Variants in DNAJC11 observed in about 807,000 individuals in gnomAD.
DNAJC11 encodes DnaJ heat shock protein family (Hsp40) member C11.
DNAJC11 carries 15 observed loss-of-function variants against 78.6 expected under a neutral mutation model. The ratio of observed to expected loss-of-function variants is 0.19; its 90% CI spans 0.13 to 0.29. DNAJC11 has a LOEUF of 0.29. DNAJC11 is among the 10% of genes least tolerant of loss of function. The pLI, the probability that DNAJC11 is intolerant of heterozygous loss-of-function variation, is 1.00. For missense variants in DNAJC11, 547 were observed against 709.6 expected (o/e 0.77, Z 2.60); for synonymous variants, 292 against 272.1 (o/e 1.07, Z -0.72).
chr1:6,655,641 G>A (rs1489555141), intron 4 of DNAJC11, among the ~76,000 whole-genome samples: 1 of 152,086 alleles, frequency 6.6e-6, no homozygotes, highest in Non-Finnish European at 1.5e-5. Context: ...TGGCCAACGT[G>A]GTAGAAACCC....
chr1:6,697,809 A>T (rs1224797779), intron 1 of DNAJC11, among the ~76,000 whole-genome samples: 1 of 148,530 alleles, frequency 6.7e-6, no homozygotes, highest in Non-Finnish European at 1.5e-5. Flanking sequence ...TATGCTTATA[A>T]TTTTTTTTTT....
chr1:6,680,079 A>G lies in DNAJC11; in HGVS notation c.202+829T>C, dbSNP rs1181727231. Among the ~76,000 whole-genome samples, 2 of 152,260 alleles carry G rather than the reference A, an allele frequency of 1.3e-5. No individual in the cohort carries two copies. The highest frequency in any genetic ancestry group is 4.8e-5 in the African/African-American group (2 of 41,474). On this transcript the variant is annotated intron_variant, in intron 2 of 15. Coordinates refer to ENST00000377577, the MANE Select transcript of DNAJC11 (RefSeq NM_018198.4). This position sits in a 1 kb window ranked among gnomAD's most constrained non-coding sequence, Gnocchi z 4.0. ...TACAGTGAGATGACTTTATGATTTT[A>G]TAAAGAAACATATTATCTAATTTTT...
rs1642087719 is a variant in DNAJC11, at chr1:6,653,674, A to C, written c.507+237T>G. 3 of 402,214 alleles carry C rather than the reference A, an allele frequency of 7.5e-6. No homozygotes were observed. The highest frequency in any genetic ancestry group is 1.4e-5 in the Non-Finnish European group (3 of 219,860). 24.9% of individuals were successfully genotyped at this position (402,214 alleles called of 1,614,324 possible). On this transcript the variant is annotated intron_variant, in intron 5 of 15. Coordinates refer to ENST00000377577, the MANE Select transcript of DNAJC11 (RefSeq NM_018198.4). The surrounding 1 kb of genome is among the most constrained non-coding windows in gnomAD (Gnocchi z 4.5). The stretch of plus-strand genomic sequence containing the variant: ...AGACCATTAACACCCTCTGCTGGAA[A>C]GGCCCAAGACCTTGGGAGCCAAGTG...
chr1:6,637,985 A>C, intron 12 of DNAJC11: 1 of 391,118 alleles, frequency 2.6e-6, no homozygotes, highest in Non-Finnish European at 4.6e-6. Flanking sequence ...GCCCATGGCC[A>C]CCTGGCAGTA....
At chr1:6,652,568 T>C (rs1035246164) in intron 6 of DNAJC11, among the ~76,000 whole-genome samples, 2 of 152,190 alleles carry the variant, frequency 1.3e-5, no homozygotes, top group Admixed American at 6.5e-5. Flanking sequence ...GCCTCCCAAG[T>C]AGCTGGGATT....
At chr1:6,698,390 G>A (rs914473000) in intron 1 of DNAJC11, among the ~76,000 whole-genome samples, 4 of 152,026 alleles carry the variant, frequency 2.6e-5, no homozygotes, top group Non-Finnish European at 4.4e-5. Flanking sequence ...TCAACTTCAC[G>A]TTTGATTTCA....
At chr1:6,667,063 A>G (rs1006896214) in intron 4 of DNAJC11, among the ~76,000 whole-genome samples, 1 of 152,244 alleles carries the variant, frequency 6.6e-6, no homozygotes, top group African/African-American at 2.4e-5. Context: ...CTGAAAGGAA[A>G]AAGAGAGCAC....
At chr1:6,662,639 GGCTA>G (rs1300894252) in intron 4 of DNAJC11, among the ~76,000 whole-genome samples, 2 of 152,046 alleles carry the variant, frequency 1.3e-5, no homozygotes, top group African/African-American at 2.4e-5. Context: ...AGTGCTCTGT[GGCTA>G]GCTAGAGGAT....
intron 4 of DNAJC11, among the ~76,000 whole-genome samples, chr1:6,659,568 T>G (rs1476515701): frequency 2.0e-5 from 3 of 151,770 alleles, no homozygotes; most frequent in African/African-American, 7.3e-5. Context: ...GAGACCAGCC[T>G]GGCCAATATA....
intron 15 of DNAJC11, 63 bp downstream of exon 15, chr1:6,636,054 T>G: frequency 6.4e-7 from 1 of 1,553,566 alleles, no homozygotes; most frequent in South Asian, 1.2e-5. Context: ...GCCCACACAC[T>G]GAGCAGCCGC....
At chr1:6,640,120 G>C in intron 10 of DNAJC11, 63 bp from the exon 11 acceptor site, 1 of 1,487,486 alleles carries the variant, frequency 6.7e-7, no homozygotes, top group Non-Finnish European at 8.9e-7. Context: ...CCAGGGAAGG[G>C]CAATGGGGTG....
intron 1 of DNAJC11, among the ~76,000 whole-genome samples, chr1:6,682,757 A>T (rs566604464): frequency 6.6e-6 from 1 of 152,174 alleles, no homozygotes; most frequent in Non-Finnish European, 1.5e-5. Flanking sequence ...GCGAAACCCC[A>T]TATCTACCCA....
At chr1:6,688,919 TGTGCAGGGGATATAATG>T (rs1166513323) in intron 1 of DNAJC11, among the ~76,000 whole-genome samples, 1 of 152,326 alleles carries the variant, frequency 6.6e-6, no homozygotes, top group South Asian at 2.1e-4. Flanking sequence ...TGCCTGGCAC[TGTGCAGGGGATATAATG>T]GTGACTCAGA....
Position 6,645,818 on chromosome 1 carries a change from T to TA in DNAJC11, c.864dup (p.Lys289Ter). 1.9e-6 allele frequency: 3 copies of TA among 1,614,174 alleles called. No homozygotes were observed. Among genetic ancestry groups the TA allele is most frequent in the Non-Finnish European group, 2.5e-6 (3 of 1,180,012 alleles). On this transcript the variant is annotated frameshift_variant, in exon 8 of 16. Transcript: ENST00000377577. LOFTEE classifies it high-confidence loss of function. This position sits in a 1 kb window ranked among gnomAD's most constrained non-coding sequence, Gnocchi z 4.1. ...AGGGCCACAGTGAAGTGGCTGGTTT[T>TA]AGTGTCTCGGACGATGCTAGTGTTC... is the stretch of plus-strand genomic sequence containing the variant.
chr1:6,662,077 G>T (rs1183963863), intron 4 of DNAJC11, among the ~76,000 whole-genome samples: 1 of 150,864 alleles, frequency 6.6e-6, no homozygotes, highest in Admixed American at 6.6e-5. Flanking sequence ...TCAGCCTCCC[G>T]AGTAGCTGGG....
intron 6 of DNAJC11, among the ~76,000 whole-genome samples, chr1:6,652,375 T>C (rs924719373): frequency 2.0e-5 from 3 of 152,212 alleles, no homozygotes; most frequent in Non-Finnish European, 2.9e-5. Flanking sequence ...CTTGTTTTTC[T>C]ATGCCAATTT....
chr1:6,686,465 C>G (rs142725689), intron 1 of DNAJC11, among the ~76,000 whole-genome samples: 2 of 152,206 alleles, frequency 1.3e-5, no homozygotes, highest in African/African-American at 4.8e-5. Context: ...CCAGCTAGTA[C>G]AGTTTGGCAA....
chr1:6,673,195 CAAAAA>C (rs70981399), intron 3 of DNAJC11, among the ~76,000 whole-genome samples: 2 of 39,300 alleles, frequency 5.1e-5, no homozygotes, highest in South Asian at 2.1e-3. Flanking sequence ...AACTCCATCT[CAAAAA>C]AAAAAAAAAA....
At chr1:6,643,535 A>G (rs560694279) in intron 10 of DNAJC11, among the ~76,000 whole-genome samples, 1 of 151,994 alleles carries the variant, frequency 6.6e-6, no homozygotes, top group African/African-American at 2.4e-5. Flanking sequence ...TTGGCCTCCC[A>G]AAGTGCTGGG....
Sources: gnomAD v4.1 joint callset for allele counts (sites outside exome capture counted in the v4.1 genomes callset) on GRCh38, gnomAD v4.1.1 for gene constraint, Gnocchi (gnomAD v3.1) non-coding constraint, MANE v1.5 for transcripts, NCBI Gene and HGNC (gene_info 2026-07-23, HGNC 2026-07-21) for gene names.